The following R3HDM1 variants were observed in gnomAD, a reference collection of about 807,000 sequenced individuals.
The protein encoded by R3HDM1 is R3H domain containing 1.
R3HDM1 carries 46 observed loss-of-function variants against 141.1 expected under a neutral mutation model. The ratio of observed to expected loss-of-function variants is 0.33; its 90% CI spans 0.26 to 0.42. The LOEUF (loss-of-function observed/expected upper bound fraction) is 0.42. Ranked by LOEUF, R3HDM1 falls within the 10% of genes least tolerant of loss-of-function variation. The pLI is 1.00. For synonymous variants in R3HDM1, 435 were observed against 472.9 expected (o/e 0.92, Z 1.04); for missense variants, 1,184 against 1,368.3 (o/e 0.87, Z 2.12).
At chr2:135,652,516 G>A (rs2065254969) in intron 18 of R3HDM1, among the ~76,000 whole-genome samples, 1 of 152,210 alleles carries the variant, frequency 6.6e-6, no homozygotes, top group South Asian at 2.1e-4. Flanking sequence ...TGGTTATGAT[G>A]TAGTATCCTT....
intron 18 of R3HDM1, among the ~76,000 whole-genome samples, chr2:135,656,277 T>C (rs12467569): frequency 0.21 from 31,867 of 152,012 alleles, 3,885 homozygotes; most frequent in East Asian, 0.44. Context: ...TAAAGTGTCT[T>C]TCATTTATGG....
intron 1 of R3HDM1, chr2:135,583,663 C>T: frequency 3.4e-6 from 3 of 880,362 alleles, no homozygotes; most frequent in South Asian, 5.2e-5. Flanking sequence ...CTAAGATGGC[C>T]CTTGGCTATA....
intron 7 of R3HDM1, among the ~76,000 whole-genome samples, chr2:135,630,330 A>G (rs917573230): frequency 1.1e-4 from 17 of 148,470 alleles, no homozygotes; most frequent in African/African-American, 4.3e-4. Flanking sequence ...CGAGATTCTC[A>G]TACTTCTACT....
At chr2:135,581,380 T>C (rs1484469133) in intron 1 of R3HDM1, 1 of 984,740 alleles carries the variant, frequency 1.0e-6, no homozygotes, top group East Asian at 1.1e-4. Context: ...CCTTTAACGG[T>C]CTTGGTGCCT....
intron 19 of R3HDM1, chr2:135,667,755 T>C (rs531164842): frequency 1.0e-6 from 1 of 981,856 alleles, no homozygotes; most frequent in African/African-American, 1.7e-5. Context: ...TCTCCCTCTT[T>C]TCCAGATCAT....
chr2:135,714,145 T>C (rs2105449361), intron 23 of R3HDM1, among the ~76,000 whole-genome samples: 1 of 152,180 alleles, frequency 6.6e-6, no homozygotes, highest in Non-Finnish European at 1.5e-5. Flanking sequence ...GGAAAAAAAT[T>C]GTAATTTACA....
chr2:135,563,136 C>G (rs910764783), intron 1 of R3HDM1, among the ~76,000 whole-genome samples: 1 of 152,138 alleles, frequency 6.6e-6, no homozygotes, highest in Non-Finnish European at 1.5e-5. Context: ...TTACCCCTTG[C>G]AACTAACAAG....
intron 1 of R3HDM1, among the ~76,000 whole-genome samples, chr2:135,599,715 G>A (rs2059465938): frequency 6.6e-6 from 1 of 152,116 alleles, no homozygotes; most frequent in Admixed American, 6.6e-5. Flanking sequence ...TGAAGATTTG[G>A]AGAGGGAAAA....
intron 14 of R3HDM1, 138 bp from the exon 15 acceptor site, chr2:135,641,398 G>A (rs2063779316): frequency 1.0e-6 from 1 of 999,044 alleles, no homozygotes; most frequent in Non-Finnish European, 1.4e-6. Context: ...AAGCAAACGT[G>A]GACAGTAAAT....
intron 7 of R3HDM1, among the ~76,000 whole-genome samples, chr2:135,625,263 AAC>A (rs1468284106): frequency 6.6e-6 from 1 of 152,174 alleles, no homozygotes; most frequent in Non-Finnish European, 1.5e-5. Context: ...CAGCCTGACT[AAC>A]ATGGTGAAAC....
intron 11 of R3HDM1, 49 bp downstream of exon 11, chr2:135,636,232 C>A: frequency 6.4e-7 from 1 of 1,569,860 alleles, no homozygotes; most frequent in Non-Finnish European, 8.6e-7. Flanking sequence ...ATTCTAATTA[C>A]GTTGTAGGGT....
At chr2:135,656,084 T>G (rs1216952908) in intron 18 of R3HDM1, among the ~76,000 whole-genome samples, 1 of 152,220 alleles carries the variant, frequency 6.6e-6, no homozygotes, top group Non-Finnish European at 1.5e-5. Flanking sequence ...TTTTATAGTA[T>G]TTGAAGCTAT....
intron 1 of R3HDM1, among the ~76,000 whole-genome samples, chr2:135,544,920 G>A (rs1339777716): frequency 2.0e-5 from 3 of 152,146 alleles, no homozygotes; most frequent in African/African-American, 7.2e-5. Context: ...AGCTGAGATC[G>A]TGCCACTGCA....
At chr2:135,537,168 G>T (rs1696333183) in intron 1 of R3HDM1, among the ~76,000 whole-genome samples, 1 of 138,622 alleles carries the variant, frequency 7.2e-6, no homozygotes. Flanking sequence ...GAGAAGCTCT[G>T]GAATTTAAAA....
In R3HDM1 at chr2:135,534,576, G is replaced by A. The variant is rs562870784; in HGVS notation, c.-250+2943G>A. Reference sequence around the variant, plus strand: ...CAAATTTAAGGTTAGCATGAAGACAGTTATATTATGAAGTCTTTCTGACAG... The same window carrying A: ...CAAATTTAAGGTTAGCATGAAGACAATTATATTATGAAGTCTTTCTGACAG... On this transcript the variant is annotated intron_variant, in intron 1 of 26. Transcript: ENST00000683871. Among the ~76,000 whole-genome samples the A allele has an allele frequency of 1.5e-4, 23 of 152,356 alleles. 1 individual carries two copies. In the South Asian group the frequency reaches 3.9e-3, roughly 26 times the overall value.
chr2:135,589,112 T>C (rs1574115273), intron 1 of R3HDM1, among the ~76,000 whole-genome samples: 1 of 152,184 alleles, frequency 6.6e-6, no homozygotes, highest in Non-Finnish European at 1.5e-5. Context: ...ATTGTTTTCA[T>C]TTTGTAAAGC....
At chr2:135,597,279 ACT>A (rs2059270984) in intron 1 of R3HDM1, 2 of 977,404 alleles carry the variant, frequency 2.0e-6, no homozygotes, top group African/African-American at 3.5e-5. Flanking sequence ...CATTCTCTTT[ACT>A]CTTTTTAAAT....
rs754991019 is a variant in R3HDM1, at chr2:135,675,457, A to G, written c.2278A>G (p.Ile760Val). 1.2e-6 allele frequency: 2 copies of G among 1,614,000 alleles called. No individual in the cohort carries two copies. Among genetic ancestry groups the G allele is most frequent in the South Asian group, 2.2e-5 (2 of 91,066 alleles). The stretch of plus-strand genomic sequence containing the variant: ...TGGAAATCAGATTCAAGGAGTGGTC[A>G]TCCCCTATACTTCAGTGCCAACATA... ...SIGNQIQGVV[I>V]PYTSVPTYQV... is the part of the protein sequence containing the mutation. Residue 760 changes from isoleucine (I) to valine (V), a missense_variant, in exon 20 of 27, where the codon ATC (isoleucine) becomes GTC (valine). By Grantham distance (29) the Ile-to-Val change is conservative. This residue lies in a region of R3HDM1 where 563 missense variants were observed against 562.0 expected (regional missense o/e 1.00). Transcript: ENST00000683871.
chr2:135,582,055 G>T (rs1455547560), intron 1 of R3HDM1, among the ~76,000 whole-genome samples: 1 of 152,032 alleles, frequency 6.6e-6, no homozygotes, highest in Non-Finnish European at 1.5e-5. Context: ...CTTCCATCTT[G>T]CTGGGCTCAC....
Sources: gnomAD v4.1 joint callset for allele counts (sites outside exome capture counted in the v4.1 genomes callset) on GRCh38, gnomAD v4.1.1 for gene constraint, gnomAD v4.1.1 regional missense constraint, MANE v1.5 for transcripts, NCBI Gene and HGNC (gene_info 2026-07-23, HGNC 2026-07-21) for gene names.